The following PARVB variants were observed in gnomAD, a reference collection of about 807,000 sequenced individuals.
PARVB encodes beta-parvin.
PARVB carries 46 observed loss-of-function variants against 47.0 expected under a neutral mutation model. The observed-to-expected ratio is 0.98, with a 90% CI of 0.77 to 1.25. The LOEUF (loss-of-function observed/expected upper bound fraction) is 1.25. PARVB is among the 50% of genes most tolerant of loss of function. The pLI is 0.00. For missense variants in PARVB, 473 were observed against 471.6 expected (o/e 1.00, Z -0.03); for synonymous variants, 196 against 196.3 (o/e 1.00, Z 0.01).
intron 2 of PARVB, among the ~76,000 whole-genome samples, chr22:44,094,391 C>T (rs1312722494): frequency 6.6e-6 from 1 of 152,084 alleles, no homozygotes; most frequent in Non-Finnish European, 1.5e-5. Flanking sequence ...CATGCCAAGC[C>T]ACGCCACACC....
At position 44,060,873 on chromosome 22, in the gene PARVB, G is replaced by A. The variant is rs575354014; in HGVS notation, c.113-33055G>A. On this transcript the variant is annotated intron_variant, in intron 1 of 12. Coordinates refer to ENST00000338758, the MANE Select transcript of PARVB (RefSeq NM_013327.5). ...GCCATCACTCCTAGGGCAGTACAGC[G>A]CTCGGTTCCTGCGAGCCTCTGGTCA... 3.6e-3 allele frequency among the ~76,000 whole-genome samples: 554 copies of A among 152,154 alleles called. 3 individuals are homozygous for A. Among genetic ancestry groups the A allele is most frequent in the Non-Finnish European group, 5.8e-3 (393 of 68,016 alleles).
At chr22:44,037,557 A>G (rs1355205645) in intron 1 of PARVB, among the ~76,000 whole-genome samples, 1 of 152,178 alleles carries the variant, frequency 6.6e-6, no homozygotes, top group Non-Finnish European at 1.5e-5. Flanking sequence ...TCCTCACACC[A>G]AGCTGGGAAG....
chr22:44,033,065 T>G (rs897536108), intron 1 of PARVB, among the ~76,000 whole-genome samples: 2 of 152,208 alleles, frequency 1.3e-5, no homozygotes, highest in African/African-American at 4.8e-5. Flanking sequence ...CCCCTAGCTG[T>G]CTGTGGCTAG....
chr22:44,168,927 G>GAAGC lies in PARVB; in HGVS notation c.*249_*250insAAGC, dbSNP rs1374696730. The GAAGC allele has an allele frequency of 1.5e-5, 7 of 462,282 alleles. No individual in the cohort carries two copies. Among genetic ancestry groups the GAAGC allele is most frequent in the Admixed American group, 7.4e-5 (2 of 26,866 alleles). 28.6% of individuals were successfully genotyped at this position (462,282 alleles called of 1,614,324 possible). A position where few individuals can be genotyped will look rare whatever the true frequency, so the allele number is the denominator to read the frequency against. On this transcript the variant is annotated 3_prime_UTR_variant, in exon 13 of 13. Transcript: ENST00000338758. ...AAAATGCAGGATTCTAAACACTCGTGCTTGCGTTTGAAGCCTCGCGTCACT... is the reference window on the plus strand; with the variant it reads ...AAAATGCAGGATTCTAAACACTCGTGAAGCCTTGCGTTTGAAGCCTCGCGTCACT...
intron 1 of PARVB, among the ~76,000 whole-genome samples, chr22:44,079,367 C>T (rs977709464): frequency 2.0e-5 from 3 of 152,174 alleles, no homozygotes; most frequent in East Asian, 3.9e-4. Flanking sequence ...GTAGCAGGAT[C>T]GAGAAGCCAT....
Position 44,157,989 on chromosome 22 carries a change from A to G in PARVB, c.851A>G (p.Asp284Gly). The stretch of plus-strand genomic sequence containing the variant: ...ACAAGTCTTTCTCTGCAGTTTGCAG[A>G]TGGCGTGTACCTGGTTCTGCTCATG... ...EVTELETQFADGVYLVLLMGL... is the reference protein window; with the variant it reads ...EVTELETQFAGGVYLVLLMGL... Residue 284 changes from aspartate (D) to glycine (G), a missense_variant, in exon 11 of 13, where the codon GAT becomes GGT. Transcript: ENST00000338758. The G allele has an allele frequency of 1.9e-6, 3 of 1,612,926 alleles. No individual in the cohort carries two copies. Among genetic ancestry groups the G allele is most frequent in the Non-Finnish European group, 2.5e-6 (3 of 1,178,878 alleles).
At position 44,024,399 on chromosome 22, in the gene PARVB, G is replaced by C. The variant is rs2050693863; in HGVS notation, c.60G>C (p.Ser20=). The change falls in exon 1 of 13, where the codon TCG becomes TCC. Residue 20 remains serine, a synonymous_variant. Coordinates refer to ENST00000338758, the MANE Select transcript of PARVB (RefSeq NM_013327.5). ...PRPRRMKKDE[S]FLGKLGGTLA... is the part of the protein sequence containing the mutation. The stretch of plus-strand genomic sequence containing the variant: ...CCCGCAGGATGAAGAAGGACGAGTC[G>C]TTCCTGGGCAAGCTGGGCGGCACCC... 1.6e-6 allele frequency: 2 copies of C among 1,260,304 alleles called. No individual in the cohort carries two copies. Among genetic ancestry groups the C allele is most frequent in the Non-Finnish European group, 2.0e-6 (2 of 987,840 alleles). The allele number at this position is 1,260,304 out of a possible 1,614,324, so 78.1% of individuals were successfully genotyped here.
intron 2 of PARVB, among the ~76,000 whole-genome samples, chr22:44,019,068 C>T (rs542181122): frequency 2.4e-4 from 36 of 151,884 alleles, no homozygotes; most frequent in African/African-American, 8.7e-4. Flanking sequence ...AGGCGCCTGC[C>T]ACCATACCTG....
At chr22:44,156,958 C>T (rs1299068510) in intron 10 of PARVB, among the ~76,000 whole-genome samples, 1 of 152,080 alleles carries the variant, frequency 6.6e-6, no homozygotes, top group African/African-American at 2.4e-5. Flanking sequence ...GTGAGGGTGA[C>T]CCAACAATGA....
chr22:44,132,633 G>T (rs968167169), intron 5 of PARVB, among the ~76,000 whole-genome samples: 1 of 151,984 alleles, frequency 6.6e-6, no homozygotes, highest in Non-Finnish European at 1.5e-5. Flanking sequence ...CCTCATCACT[G>T]CCCAATTTAT....
chr22:44,058,449 C>T (rs986430880), intron 1 of PARVB, among the ~76,000 whole-genome samples: 1 of 152,122 alleles, frequency 6.6e-6, no homozygotes, highest in African/African-American at 2.4e-5. Flanking sequence ...CTGGGCCCAC[C>T]GCAGTCCAGT....
intron 1 of PARVB, among the ~76,000 whole-genome samples, chr22:44,025,617 G>A (rs2146879675): frequency 6.6e-6 from 1 of 152,232 alleles, no homozygotes; most frequent in African/African-American, 2.4e-5. Flanking sequence ...GTCTCCTGGC[G>A]GATAGGTCAC....
intron 1 of PARVB, among the ~76,000 whole-genome samples, chr22:44,054,461 C>A (rs1025354338): frequency 1.3e-5 from 2 of 152,130 alleles, no homozygotes; most frequent in African/African-American, 4.8e-5. Context: ...AGCAATCCTC[C>A]CGCCTTGGCC....
intron 2 of PARVB, among the ~76,000 whole-genome samples, chr22:44,010,846 G>C (rs2050514634): frequency 6.7e-6 from 1 of 149,028 alleles, no homozygotes; most frequent in Non-Finnish European, 1.5e-5. Context: ...TCACATTTCT[G>C]TGTTCTTAAA....
At chr22:44,035,884 C>T (rs2050914404) in intron 1 of PARVB, among the ~76,000 whole-genome samples, 1 of 151,716 alleles carries the variant, frequency 6.6e-6, no homozygotes, top group Non-Finnish European at 1.5e-5. Flanking sequence ...ATGTTCTAAG[C>T]AATGCAATAG....
intron 3 of PARVB, chr22:44,107,586 G>C (rs1369578484): frequency 6.6e-6 from 1 of 152,194 alleles, no homozygotes; most frequent in Non-Finnish European, 1.5e-5. Flanking sequence ...AACCAACACA[G>C]GATTAGAGGG....
intron 10 of PARVB, among the ~76,000 whole-genome samples, chr22:44,156,941 G>A (rs932889225): frequency 1.3e-5 from 2 of 152,192 alleles, no homozygotes; most frequent in African/African-American, 4.8e-5. Context: ...TCTGGAGATG[G>A]GTGGTGGTGA....
intron 2 of PARVB, among the ~76,000 whole-genome samples, chr22:44,005,032 T>C (rs2050449937): frequency 6.6e-6 from 1 of 152,242 alleles, no homozygotes; most frequent in Admixed American, 6.5e-5. Context: ...AGAAAATCTT[T>C]ATTTTGCAAT....
chr22:44,053,652 A>T (rs2051252906), intron 1 of PARVB, among the ~76,000 whole-genome samples: 1 of 152,122 alleles, frequency 6.6e-6, no homozygotes, highest in Non-Finnish European at 1.5e-5. Flanking sequence ...CTACCTGGAG[A>T]TGGCATCAGA....
Sources: allele counts gnomAD v4.1 joint callset (sites outside exome capture counted in the v4.1 genomes callset), GRCh38; gene constraint gnomAD v4.1.1; transcripts MANE v1.5; gene names NCBI Gene and HGNC (gene_info 2026-07-23, HGNC 2026-07-21).